The following PTPN12 variants were observed in gnomAD, a reference collection of about 807,000 sequenced individuals.
PTPN12 encodes protein tyrosine phosphatase non-receptor type 12.
A neutral mutation model predicts 97.6 loss-of-function variants in PTPN12; 29 were observed. That is an observed-to-expected ratio of 0.30 (90% CI 0.22 to 0.41). The LOEUF is 0.41. Ranked by LOEUF, PTPN12 falls within the 10% of genes least tolerant of loss-of-function variation. The pLI, the probability that PTPN12 is intolerant of heterozygous loss-of-function variation, is 1.00. For synonymous variants in PTPN12, 327 were observed against 300.4 expected, an observed-to-expected ratio of 1.09 and a Z score of -0.91; for missense variants, 819 against 926.0, an observed-to-expected ratio of 0.88 and a Z score of 1.50.
At chr7:77,636,863 T>G in intron 15 of PTPN12, 155 bp from the exon 16 acceptor site, 1 of 549,814 alleles carries the variant, frequency 1.8e-6, no homozygotes, top group Non-Finnish European at 3.2e-6. Context: ...TTTAAAATTT[T>G]AAGCCTAATT....
At chr7:77,637,090 TATTG>T (rs1198455346) in intron 16 of PTPN12, 42 bp downstream of exon 16, 4 of 1,453,894 alleles carry the variant, frequency 2.8e-6, no homozygotes, top group Admixed American at 1.7e-5. Context: ...CTGTAGATTT[TATTG>T]ATTAATTTCT....
At chr7:77,609,894 C>CA (rs767927688) in intron 9 of PTPN12, among the ~76,000 whole-genome samples, 33,694 of 143,782 alleles carry the variant, frequency 0.23, 4,734 homozygotes, top group East Asian at 0.69. Context: ...AAAAAAACAA[C>CA]AAAAAAAAAA....
At chr7:77,570,001 T>C (rs1051144029) in intron 1 of PTPN12, among the ~76,000 whole-genome samples, 1 of 152,114 alleles carries the variant, frequency 6.6e-6, no homozygotes, top group Non-Finnish European at 1.5e-5. Context: ...ATACAGTTTT[T>C]CCTCTGACAC....
chr7:77,581,403 AT>A (rs749501152), intron 2 of PTPN12, 23 bp from the exon 3 acceptor site: 7 of 1,525,930 alleles, frequency 4.6e-6, no homozygotes, highest in Non-Finnish European at 3.6e-6. Context: ...AACCATACAT[AT>A]TTTATGAATT....
rs1789712511 is a variant in PTPN12 at position 77,639,221 on chromosome 7, T to G, written c.2284T>G (p.Phe762Val). The part of the protein sequence containing the change: ...ENPTEATDIG[F>V]GNRCGKPKGP... ...TTATTGTGGTGTTTTCACTGTAGGT[T>G]TTGGTAATCGATGTGGAAAACCCAA... Residue 762 changes from phenylalanine to valine, a missense_variant and splice_region_variant, in exon 18 of 18, where the codon TTT (phenylalanine) becomes GTT (valine). Physicochemically the swap from Phe to Val is conservative, Grantham distance 50 (BLOSUM62 -1). Coordinates refer to ENST00000248594, the MANE Select transcript of PTPN12 (RefSeq NM_002835.4). 3 of 1,611,110 alleles carry G rather than the reference T, an allele frequency of 1.9e-6. No individual in the cohort carries two copies. The highest frequency in any genetic ancestry group is 2.5e-6 in the Non-Finnish European group (3 of 1,178,238).
chr7:77,600,910 C>T, intron 8 of PTPN12, 104 bp downstream of exon 8: 1 of 1,032,750 alleles, frequency 9.7e-7, no homozygotes. Context: ...TTTCTCCTAG[C>T]CTTGATACAA....
intron 4 of PTPN12, chr7:77,583,895 C>T (rs952713629): frequency 1.5e-5 from 5 of 331,882 alleles, no homozygotes; most frequent in Middle Eastern, 9.2e-4. Flanking sequence ...AGTAATGATA[C>T]AGCTATCAAA....
intron 1 of PTPN12, among the ~76,000 whole-genome samples, chr7:77,568,659 T>C (rs1203303261): frequency 6.6e-6 from 1 of 152,140 alleles, no homozygotes; most frequent in African/African-American, 2.4e-5. Context: ...AGTGAATGAA[T>C]GAATGAAAAA....
intron 8 of PTPN12, chr7:77,604,808 T>TA (rs1204179205): frequency 2.1e-4 from 77 of 374,834 alleles, no homozygotes; most frequent in African/African-American, 1.4e-3. Flanking sequence ...TATATATATA[T>TA]TTTTATCCAC....
At chr7:77,599,876 C>G (rs1032864926) in intron 7 of PTPN12, among the ~76,000 whole-genome samples, 5 of 152,166 alleles carry the variant, frequency 3.3e-5, no homozygotes, top group African/African-American at 1.2e-4. Flanking sequence ...GACATCAGTA[C>G]TCCTTTACAT....
At chr7:77,568,566 A>C (rs187205515) in intron 1 of PTPN12, among the ~76,000 whole-genome samples, 7 of 152,114 alleles carry the variant, frequency 4.6e-5, no homozygotes, top group African/African-American at 1.7e-4. Flanking sequence ...TCATTTGAAC[A>C]TGGGAGTTTG....
chr7:77,595,014 A>C (rs969260316), intron 6 of PTPN12, among the ~76,000 whole-genome samples: 14 of 152,220 alleles, frequency 9.2e-5, no homozygotes, highest in Admixed American at 2.6e-4. Context: ...TTTTCAATTA[A>C]ACTAAAAGGT....
intron 1 of PTPN12, among the ~76,000 whole-genome samples, chr7:77,555,118 C>T (rs1435962770): frequency 6.6e-6 from 1 of 151,920 alleles, no homozygotes; most frequent in Non-Finnish European, 1.5e-5. Context: ...TTCTTGCTTG[C>T]CTAGTTTCTG....
At chr7:77,592,407 T>G in intron 6 of PTPN12, 151 bp downstream of exon 6, 3 of 547,644 alleles carry the variant, frequency 5.5e-6, no homozygotes, top group Non-Finnish European at 6.1e-6. Context: ...GTTTATATAC[T>G]GCTTTTAAAT....
At chr7:77,606,723 T>C (rs1256572225) in intron 8 of PTPN12, among the ~76,000 whole-genome samples, 1 of 152,228 alleles carries the variant, frequency 6.6e-6, no homozygotes, top group Non-Finnish European at 1.5e-5. Context: ...CTGAGAAGCA[T>C]GGGGAAGTAT....
At position 77,610,942 on chromosome 7, in the gene PTPN12, T is replaced by A. The variant is rs1322290326; in HGVS notation, c.841-6T>A. On this transcript the variant is annotated splice_region_variant and splice_polypyrimidine_tract_variant and intron_variant, in intron 10 of 17. Transcript: ENST00000248594. ...TTTGTTTTTTAATCATTTTTCTCCTTCATAGGAGCAATATGAACTTGTTCA... is the reference window on the plus strand; with the variant it reads ...TTTGTTTTTTAATCATTTTTCTCCTACATAGGAGCAATATGAACTTGTTCA... 5 of 1,598,990 alleles carry A rather than the reference T, an allele frequency of 3.1e-6. No homozygotes were observed. Among genetic ancestry groups the A allele is most frequent in the Non-Finnish European group, 4.3e-6 (5 of 1,173,434 alleles).
rs1338530365 is a variant in PTPN12, at chr7:77,627,240, C to T, written c.1561C>T (p.Pro521Ser). Residue 521 changes from proline (P) to serine (S), a missense_variant, in exon 13 of 18, where the codon CCA (proline) becomes TCA (serine). By Grantham distance (74) the Pro-to-Ser change is moderately conservative. This residue lies in a region of PTPN12 where 607 missense variants were observed against 577.3 expected (regional missense o/e 1.05). Transcript: ENST00000248594. ...PEESQNSDTP[P>S]RPDRLPLDEK... ...AGAATCCCAGAATTCAGACACACCT[C>T]CAAGGCCAGACCGCTTGCCTCTTGA... The T allele has an allele frequency of 1.2e-6, 2 of 1,614,008 alleles. No individual in the cohort carries two copies. The highest frequency in any genetic ancestry group is 1.7e-6 in the Non-Finnish European group (2 of 1,179,980).
chr7:77,605,409 G>GGTTTTTTTTTTTTTTTTTTTTTTTTT (rs1554321255), intron 8 of PTPN12, among the ~76,000 whole-genome samples: 1 of 95,560 alleles, frequency 1.0e-5, no homozygotes. Flanking sequence ...TTTGTCATGA[G>GGTTTTTTTTTTTTTTTTTTTTTTTTT]TTTTTTTTTT....
chr7:77,585,543 A>G lies in PTPN12; in HGVS notation c.382A>G (p.Ile128Val), dbSNP rs1264361353. Residue 128 changes from isoleucine (I) to valine (V), a missense_variant and splice_region_variant, in exon 5 of 18, where the codon ATC (isoleucine) becomes GTC (valine). Around this residue, in one of 5 missense-constraint regions of PTPN12, gnomAD observed 66 missense variants for 133.6 expected, o/e 0.49. Coordinates refer to ENST00000248594, the MANE Select transcript of PTPN12 (RefSeq NM_002835.4). ...CTCACTCCCCACCATCACTTTTTAG[A>G]TCATTGTAATGGCCTGCCGAGAATT... Reference protein sequence around the residue: ...WRMIWEYNVVIIVMACREFEM... With the variant: ...WRMIWEYNVVVIVMACREFEM... The G allele has an allele frequency of 6.2e-7, 1 of 1,606,522 alleles. No individual in the cohort carries two copies. Among genetic ancestry groups the G allele is most frequent in the African/African-American group, 1.3e-5 (1 of 74,880 alleles).
Sources: allele counts gnomAD v4.1 joint callset (sites outside exome capture counted in the v4.1 genomes callset), GRCh38; gene constraint gnomAD v4.1.1; regional missense constraint gnomAD v4.1.1; transcripts MANE v1.5; gene names NCBI Gene and HGNC (gene_info 2026-07-23, HGNC 2026-07-21).